Variants in ZNF18 observed in about 807,000 individuals in gnomAD.
The protein encoded by ZNF18 is zinc finger protein 18.
A neutral mutation model predicts 58.1 loss-of-function variants in ZNF18; 42 were observed. That is an observed-to-expected ratio of 0.72 (90% CI 0.56 to 0.93). ZNF18 has a LOEUF of 0.93. ZNF18 is among the 40% of genes least tolerant of loss of function. The pLI, the probability that ZNF18 is intolerant of heterozygous loss-of-function variation, is 0.00. For synonymous variants in ZNF18, 231 were observed against 239.8 expected, an observed-to-expected ratio of 0.96 and a Z score of 0.34; for missense variants, 540 against 644.2, an observed-to-expected ratio of 0.84 and a Z score of 1.75.
the ZNF18 span, chr17:12,020,922 C>G: frequency 8.2e-7 from 1 of 1,217,612 alleles, no homozygotes; most frequent in African/African-American, 1.6e-5. Flanking sequence ...GCGGCGGCTC[C>G]GGGGGCGGCA....
chr17:11,987,190 A>G (rs77543193), intron 4 of ZNF18, among the ~76,000 whole-genome samples: 1,551 of 152,340 alleles, frequency 0.01, 29 homozygotes, highest in African/African-American at 0.035. Context: ...CAACTGACTT[A>G]CACTTAGTTA....
At chr17:11,993,190 C>T (rs1197915589) in intron 1 of ZNF18, among the ~76,000 whole-genome samples, 4 of 152,148 alleles carry the variant, frequency 2.6e-5, no homozygotes, top group Non-Finnish European at 2.9e-5. Context: ...ATGCACCATA[C>T]GAAACTTTTT....
chr17:12,002,139 G>A (rs576292476), upstream of ZNF18: 8 of 152,242 alleles, frequency 5.3e-5, no homozygotes, highest in South Asian at 2.1e-4. Flanking sequence ...AGTGGTTCAC[G>A]CCTGTTAATC....
chr17:12,017,994 T>C, the ZNF18 span, among the ~76,000 whole-genome samples: 1 of 152,238 alleles, frequency 6.6e-6, no homozygotes, highest in East Asian at 1.9e-4. Flanking sequence ...ACGTTACTCT[T>C]TCTCTGCAGC....
chr17:12,018,627 T>C, the ZNF18 span, among the ~76,000 whole-genome samples: 34,744 of 152,096 alleles, frequency 0.23, 4,114 homozygotes, highest in Non-Finnish European at 0.25. Context: ...ATTTAGTCCA[T>C]AAGAAATCAT....
the ZNF18 span, among the ~76,000 whole-genome samples, chr17:12,008,713 G>A: frequency 2.0e-5 from 3 of 152,154 alleles, no homozygotes; most frequent in African/African-American, 7.2e-5. Flanking sequence ...TGAAGATTGG[G>A]CAGGGCACTG....
At chr17:12,007,026 T>C in the ZNF18 span, among the ~76,000 whole-genome samples, 13 of 152,342 alleles carry the variant, frequency 8.5e-5, no homozygotes, top group Middle Eastern at 3.4e-3. Context: ...CAATGTTTAC[T>C]GTTTTATTTT....
the ZNF18 span, among the ~76,000 whole-genome samples, chr17:12,005,492 A>G: frequency 1.3e-4 from 20 of 152,240 alleles, no homozygotes; most frequent in African/African-American, 4.8e-4. Context: ...TTTCATCAAA[A>G]TTTTTTGCTT....
the ZNF18 span, among the ~76,000 whole-genome samples, chr17:12,004,021 A>G: frequency 6.6e-6 from 1 of 152,168 alleles, no homozygotes; most frequent in Non-Finnish European, 1.5e-5. Context: ...TCACAAGGTC[A>G]GGAGTTTGAG....
chr17:12,016,312 T>C, the ZNF18 span, among the ~76,000 whole-genome samples: 1 of 152,078 alleles, frequency 6.6e-6, no homozygotes, highest in South Asian at 2.1e-4. Flanking sequence ...TTATTTCTTT[T>C]TATTATTATT....
upstream of ZNF18, among the ~76,000 whole-genome samples, chr17:12,001,501 T>C (rs1337923678): frequency 2.0e-5 from 3 of 152,110 alleles, no homozygotes; most frequent in South Asian, 2.1e-4. Flanking sequence ...TGGTGGCAGG[T>C]GCCTGTAGTC....
the ZNF18 span, among the ~76,000 whole-genome samples, chr17:12,016,558 G>T: frequency 7.2e-5 from 11 of 152,130 alleles, no homozygotes; most frequent in Non-Finnish European, 1.3e-4. Flanking sequence ...TTGAACTCCT[G>T]ACCTCAGGTG....
chr17:12,008,411 G>C, the ZNF18 span, among the ~76,000 whole-genome samples: 1 of 152,080 alleles, frequency 6.6e-6, no homozygotes, highest in Non-Finnish European at 1.5e-5. Flanking sequence ...CGTTGCCCAG[G>C]CTAGGCTTGA....
chr17:11,978,846 T>TTC lies in ZNF18; in HGVS notation c.863-103_863-102insGA. 13 of 704,160 alleles carry TTC rather than the reference T, an allele frequency of 1.8e-5. No homozygotes were observed. In the South Asian group the frequency reaches 3.4e-4, roughly 19 times the overall value. 43.6% of individuals were successfully genotyped at this position (704,160 alleles called of 1,614,324 possible). A position where few individuals can be genotyped will look rare whatever the true frequency, so the allele number is the denominator to read the frequency against. ...ATCATAAAACATTCATTTTCTTTTTTTTTTTTTTTTTTTTTTTTTTAGGGC... is the reference window on the plus strand; with the variant it reads ...ATCATAAAACATTCATTTTCTTTTTTTCTTTTTTTTTTTTTTTTTTTTAGGGC... On this transcript the variant is annotated intron_variant, in intron 6 of 6. Coordinates refer to ENST00000580306, the MANE Select transcript of ZNF18 (RefSeq NM_001303281.2).
chr17:11,982,376 C>T (rs1243699413), intron 6 of ZNF18, among the ~76,000 whole-genome samples: 1 of 151,880 alleles, frequency 6.6e-6, no homozygotes, highest in East Asian at 1.9e-4. Flanking sequence ...TTTTTTAACG[C>T]TGGTTGTAAC....
intron 6 of ZNF18, among the ~76,000 whole-genome samples, chr17:11,980,926 A>T (rs1482877044): frequency 1.3e-5 from 2 of 152,208 alleles, no homozygotes; most frequent in African/African-American, 4.8e-5. Flanking sequence ...TGCATGTTAT[A>T]TTCTTCCAGA....
chr17:12,002,039 A>G (rs1968667432), upstream of ZNF18, among the ~76,000 whole-genome samples: 1 of 152,182 alleles, frequency 6.6e-6, no homozygotes, highest in Non-Finnish European at 1.5e-5. Flanking sequence ...GAAAGAAAGG[A>G]TGAAAGGTGG....
At chr17:11,983,039 A>C (rs1335058870) in intron 6 of ZNF18, among the ~76,000 whole-genome samples, 1 of 152,312 alleles carries the variant, frequency 6.6e-6, no homozygotes, top group East Asian at 1.9e-4. Flanking sequence ...AAGAAAGCTA[A>C]AATAACAGAC....
At chr17:12,012,301 T>C in the ZNF18 span, among the ~76,000 whole-genome samples, 1 of 152,244 alleles carries the variant, frequency 6.6e-6, no homozygotes, top group African/African-American at 2.4e-5. Context: ...CCCATATCAC[T>C]ACACAAAGAG....
Sources: allele counts gnomAD v4.1 joint callset (sites outside exome capture counted in the v4.1 genomes callset), GRCh38; gene constraint gnomAD v4.1.1; transcripts MANE v1.5; gene names NCBI Gene and HGNC (gene_info 2026-07-23, HGNC 2026-07-21).